The following TMEM143 variants were observed in gnomAD, a reference collection of about 807,000 sequenced individuals.
TMEM143 encodes the protein transmembrane protein 143.
A neutral mutation model predicts 40.3 loss-of-function variants in TMEM143; 45 were observed. That is an observed-to-expected ratio of 1.12 (90% CI 0.88 to 1.43). The LOEUF (loss-of-function observed/expected upper bound fraction) is 1.43, where lower values mean the gene tolerates loss of function less well. Ranked by LOEUF, TMEM143 falls within the 40% of genes most tolerant of loss-of-function variation. TMEM143 has a pLI of 0.00. For synonymous variants in TMEM143, 299 were observed against 282.7 expected (o/e 1.06, Z -0.58); for missense variants, 620 against 613.4 (o/e 1.01, Z -0.11).
intron 2 of TMEM143, among the ~76,000 whole-genome samples, chr19:48,362,048 A>G (rs1437105864): frequency 1.3e-5 from 2 of 149,702 alleles, no homozygotes; most frequent in Non-Finnish European, 2.9e-5. Flanking sequence ...TTTTGTGTGC[A>G]TATATTTGTG....
chr19:48,359,019 A>G (rs2147387300), intron 3 of TMEM143, among the ~76,000 whole-genome samples: 1 of 152,296 alleles, frequency 6.6e-6, no homozygotes, highest in African/African-American at 2.4e-5. Context: ...AAGTACAAAA[A>G]TTAGCAGGGG....
intron 2 of TMEM143, among the ~76,000 whole-genome samples, chr19:48,361,077 C>G (rs1268880014): frequency 6.6e-6 from 1 of 151,958 alleles, no homozygotes; most frequent in Non-Finnish European, 1.5e-5. Flanking sequence ...CCACCATACC[C>G]CCAAGGTTGA....
chr19:48,347,855 C>CT (rs35957020), intron 3 of TMEM143, among the ~76,000 whole-genome samples: 6,646 of 71,286 alleles, frequency 0.093, 306 homozygotes, highest in Middle Eastern at 0.23. Context: ...CGCATCTGGT[C>CT]TTTTTTTTTT....
At chr19:48,360,951 G>A (rs144051409) in intron 2 of TMEM143, among the ~76,000 whole-genome samples, 4 of 150,600 alleles carry the variant, frequency 2.7e-5, no homozygotes, top group East Asian at 2.0e-4. Flanking sequence ...CATGCCTGGC[G>A]AATTTTTTTC....
chr19:48,361,060 G>A (rs961141579), intron 2 of TMEM143, among the ~76,000 whole-genome samples: 4 of 151,434 alleles, frequency 2.6e-5, no homozygotes, highest in African/African-American at 9.7e-5. Context: ...AGTGCTGGGA[G>A]GCTGAGCCAC....
chr19:48,335,109 C>A (rs1324589487), intron 6 of TMEM143, among the ~76,000 whole-genome samples: 1 of 152,116 alleles, frequency 6.6e-6, no homozygotes, highest in East Asian at 1.9e-4. Context: ...CCAAATAAGT[C>A]TAGGTAGGAT....
At chr19:48,341,642 C>A (rs1047968219) in intron 6 of TMEM143, among the ~76,000 whole-genome samples, 11 of 152,190 alleles carry the variant, frequency 7.2e-5, no homozygotes, top group Non-Finnish European at 1.5e-4. Context: ...TTAATCCCCA[C>A]AACACCTCTA....
chr19:48,363,596 A>G (rs1970120105), intron 1 of TMEM143, 65 bp from the exon 2 acceptor site: 1 of 1,531,238 alleles, frequency 6.5e-7, no homozygotes, highest in Non-Finnish European at 8.8e-7. Context: ...CTCCACCTCC[A>G]CGTCCCACCC....
At position 48,335,927 on chromosome 19, in the gene TMEM143, A is replaced by G. The variant is rs574856982; in HGVS notation, c.976-1730T>C. ...AAAAAAGTTAAATTGTAAAGAGAAG[A>G]GGAGAGGGGAAGGATGTTGGGGGGA... On this transcript the variant is annotated intron_variant, in intron 6 of 7. Transcript: ENST00000293261. Among the ~76,000 whole-genome samples, 10 of 152,056 alleles carry G rather than the reference A, an allele frequency of 6.6e-5. 1 individual carries two copies. The East Asian group carries it at 1.2e-3, about 18-fold the overall frequency.
intron 3 of TMEM143, among the ~76,000 whole-genome samples, chr19:48,349,997 ATT>A (rs71181679): frequency 1.8e-5 from 2 of 109,012 alleles, no homozygotes; most frequent in African/African-American, 7.2e-5. Context: ...TCTACATTTA[ATT>A]TTTTTTTTTT....
At chr19:48,339,123 G>A (rs1025383874) in intron 6 of TMEM143, among the ~76,000 whole-genome samples, 1 of 152,172 alleles carries the variant, frequency 6.6e-6, no homozygotes, top group Non-Finnish European at 1.5e-5. Flanking sequence ...TGGGTAGAAT[G>A]GGGAATGGGC....
chr19:48,354,259 T>G (rs1448350147), intron 3 of TMEM143, among the ~76,000 whole-genome samples: 1 of 131,628 alleles, frequency 7.6e-6, no homozygotes, highest in East Asian at 2.3e-4. Flanking sequence ...GCGCCCAGAC[T>G]TTTTCTTTTT....
chr19:48,335,945 TG>T (rs1338232364), intron 6 of TMEM143, among the ~76,000 whole-genome samples: 1 of 151,666 alleles, frequency 6.6e-6, no homozygotes, highest in Admixed American at 6.6e-5. Flanking sequence ...GGAAGGATGT[TG>T]GGGGGAAGAA....
At chr19:48,344,909 T>C (rs1309647811) in intron 4 of TMEM143, among the ~76,000 whole-genome samples, 1 of 152,220 alleles carries the variant, frequency 6.6e-6, no homozygotes, top group East Asian at 1.9e-4. Flanking sequence ...GGTTTCACCA[T>C]GTTGGCCAGG....
intron 2 of TMEM143, 125 bp downstream of exon 2, chr19:48,363,162 CGAAG>C (rs979163861): frequency 8.3e-6 from 11 of 1,328,822 alleles, no homozygotes; most frequent in African/African-American, 3.0e-5. Flanking sequence ...TAGGGAAACA[CGAAG>C]GGACCCGGGA....
chr19:48,363,014 A>G (rs1455541752), intron 2 of TMEM143, among the ~76,000 whole-genome samples: 5 of 152,240 alleles, frequency 3.3e-5, no homozygotes, highest in African/African-American at 1.2e-4. Flanking sequence ...GATGATTACT[A>G]TACCCATCTT....
At chr19:48,334,422 C>CTT (rs1969299937) in intron 6 of TMEM143, among the ~76,000 whole-genome samples, 1 of 30,440 alleles carries the variant, frequency 3.3e-5, no homozygotes, top group South Asian at 1.2e-3. Context: ...TTCTCTCTTT[C>CTT]TTTCTTTCTT....
chr19:48,353,941 A>C (rs1286582468), intron 3 of TMEM143, among the ~76,000 whole-genome samples: 1 of 151,910 alleles, frequency 6.6e-6, no homozygotes, highest in Non-Finnish European at 1.5e-5. Flanking sequence ...CTCCACAAGG[A>C]AACATCTTTT....
intron 3 of TMEM143, 56 bp downstream of exon 3, chr19:48,360,016 C>T: frequency 1.3e-6 from 2 of 1,557,974 alleles, no homozygotes; most frequent in Non-Finnish European, 8.8e-7. Flanking sequence ...GGAATGTTTG[C>T]TAAATGAGCG....
Sources: gnomAD v4.1 joint callset for allele counts (sites outside exome capture counted in the v4.1 genomes callset) on GRCh38, gnomAD v4.1.1 for gene constraint, MANE v1.5 for transcripts, NCBI Gene and HGNC (gene_info 2026-07-23, HGNC 2026-07-21) for gene names.